PRPSAP2: variants seen among roughly 807,000 people sequenced by gnomAD.
PRPSAP2 encodes phosphoribosyl pyrophosphate synthase-associated protein 2.
PRPSAP2 carries 24 observed loss-of-function variants against 40.6 expected under a neutral mutation model. The observed-to-expected ratio is 0.59, with a 90% CI of 0.43 to 0.83. The LOEUF is 0.83. PRPSAP2 is among the 40% of genes least tolerant of loss of function. The pLI is 0.00. For synonymous variants in PRPSAP2, 149 were observed against 164.7 expected (o/e 0.90, Z 0.73); for missense variants, 292 against 465.6 (o/e 0.63, Z 3.43).
chr17:18,889,945 G>GAGGTAGGTGGGAATCT, intron 8 of PRPSAP2, 68 bp downstream of exon 8: 1 of 1,407,994 alleles, frequency 7.1e-7, no homozygotes, highest in Non-Finnish European at 9.8e-7. Context: ...TGAGTTCCAG[G>GAGGTAGGTGGGAATCT]CATTCTAATT....
intron 8 of PRPSAP2, among the ~76,000 whole-genome samples, chr17:18,892,664 C>G (rs1399974566): frequency 1.4e-5 from 2 of 146,326 alleles, no homozygotes; most frequent in Non-Finnish European, 3.0e-5. Context: ...TGGGCTCAAT[C>G]AATCCTTCTG....
At chr17:18,924,059 T>G in intron 10 of PRPSAP2, 75 bp downstream of exon 10, 1 of 1,403,804 alleles carries the variant, frequency 7.1e-7, no homozygotes, top group Non-Finnish European at 1.0e-6. Flanking sequence ...TGATTGATTT[T>G]ATTACAGAGA....
chr17:18,906,567 C>G (rs2040599163), intron 8 of PRPSAP2, among the ~76,000 whole-genome samples: 1 of 151,634 alleles, frequency 6.6e-6, no homozygotes, highest in Admixed American at 6.6e-5. Flanking sequence ...GTTGCCCAGG[C>G]TGGTCTCAAA....
At chr17:18,900,045 C>G (rs1418383519) in intron 8 of PRPSAP2, among the ~76,000 whole-genome samples, 3 of 152,108 alleles carry the variant, frequency 2.0e-5, no homozygotes, top group African/African-American at 7.2e-5. Flanking sequence ...TGCCACCACG[C>G]CCGGCTAATT....
chr17:18,890,434 T>C (rs1156361756), intron 8 of PRPSAP2, among the ~76,000 whole-genome samples: 1 of 152,008 alleles, frequency 6.6e-6, no homozygotes, highest in African/African-American at 2.4e-5. Flanking sequence ...CCTCCCAAGG[T>C]GCTGGGATTA....
chr17:18,925,582 T>C (rs1190952334), intron 10 of PRPSAP2, among the ~76,000 whole-genome samples: 1 of 152,230 alleles, frequency 6.6e-6, no homozygotes, highest in Non-Finnish European at 1.5e-5. Flanking sequence ...CACAACTGAT[T>C]GAGGCAATGG....
At position 18,889,860 on chromosome 17, in the gene PRPSAP2, T is replaced by C; in HGVS notation, c.567T>C (p.Ser189=). 1 of 1,611,436 alleles carries C rather than the reference T, an allele frequency of 6.2e-7. No homozygotes were observed. Among genetic ancestry groups the C allele is most frequent in the Non-Finnish European group, 8.5e-7 (1 of 1,178,738 alleles). ...GGAATGCAGTAATCGTGGCCAAGTC[T>C]CCAGCCTCGGCGAAGAGGTAGGTGG... The part of the protein sequence containing the change: ...DYRNAVIVAK[S]PASAKRAQSF... Residue 189 remains serine, a synonymous_variant, in exon 8 of 12, where the codon TCT becomes TCC. Transcript: ENST00000268835.
chr17:18,906,554 TGTG>T (rs2040597595), intron 8 of PRPSAP2, among the ~76,000 whole-genome samples: 1 of 151,286 alleles, frequency 6.6e-6, no homozygotes, highest in South Asian at 2.1e-4. Context: ...GAGGTCTCCC[TGTG>T]TTGCCCAGGC....
In PRPSAP2 at chr17:18,862,522, G is replaced by A. The variant is rs562785205; in HGVS notation, c.-128-2947G>A. 3.9e-5 allele frequency among the ~76,000 whole-genome samples: 6 copies of A among 152,246 alleles called. No individual in the cohort carries two copies. The South Asian group carries it at 1.2e-3, about 32-fold the overall frequency. On this transcript the variant is annotated intron_variant, in intron 1 of 11. Transcript: ENST00000268835. ...TAGATAATCAAGATGTTAGAAGTCAGTTCATAGGTAGCATGTCCGATATGC... is the reference window on the plus strand; with the variant it reads ...TAGATAATCAAGATGTTAGAAGTCAATTCATAGGTAGCATGTCCGATATGC...
intron 1 of PRPSAP2, among the ~76,000 whole-genome samples, chr17:18,862,100 C>G (rs1017589817): frequency 2.0e-5 from 3 of 152,186 alleles, no homozygotes; most frequent in Non-Finnish European, 4.4e-5. Flanking sequence ...GTTGGCCAGA[C>G]TGGTCTTGAA....
intron 4 of PRPSAP2, among the ~76,000 whole-genome samples, chr17:18,871,202 T>A (rs1014086966): frequency 6.6e-6 from 1 of 151,882 alleles, no homozygotes; most frequent in Non-Finnish European, 1.5e-5. Context: ...GTATTTTTAG[T>A]AGAGACGAGG....
At chr17:18,869,520 A>T (rs1485269011) in intron 4 of PRPSAP2, among the ~76,000 whole-genome samples, 92 of 136,582 alleles carry the variant, frequency 6.7e-4, no homozygotes, top group South Asian at 1.2e-3. Context: ...TTTTTTTTTT[A>T]AATATGGAGT....
intron 7 of PRPSAP2, among the ~76,000 whole-genome samples, chr17:18,889,187 A>T (rs1380280322): frequency 6.6e-6 from 1 of 152,242 alleles, no homozygotes; most frequent in Non-Finnish European, 1.5e-5. Flanking sequence ...GTACTAAATT[A>T]TTCAAATTAA....
intron 4 of PRPSAP2, among the ~76,000 whole-genome samples, chr17:18,869,588 C>T (rs1209269475): frequency 1.5e-4 from 22 of 151,264 alleles, no homozygotes; most frequent in African/African-American, 2.9e-4. Context: ...CTGCCACCTC[C>T]GCCTCCCAGG....
chr17:18,861,486 A>T (rs577933098), intron 1 of PRPSAP2: 1 of 152,490 alleles, frequency 6.6e-6, no homozygotes, highest in African/African-American at 2.4e-5. Context: ...AAAGAAAAAA[A>T]AGAAAAATAA....
chr17:18,923,081 T>G (rs1451597414), intron 9 of PRPSAP2, among the ~76,000 whole-genome samples: 1 of 123,192 alleles, frequency 8.1e-6, no homozygotes, highest in Admixed American at 8.3e-5. Flanking sequence ...TTTTATCTAT[T>G]TATTTATTTT....
At chr17:18,870,881 C>A (rs192176169) in intron 4 of PRPSAP2, among the ~76,000 whole-genome samples, 3 of 150,784 alleles carry the variant, frequency 2.0e-5, no homozygotes, top group African/African-American at 7.3e-5. Flanking sequence ...TTTTCTGTGG[C>A]CTCAAGTGAT....
At chr17:18,927,840 C>T (rs1178201397) in intron 10 of PRPSAP2, among the ~76,000 whole-genome samples, 2 of 152,026 alleles carry the variant, frequency 1.3e-5, no homozygotes, top group East Asian at 3.9e-4. Flanking sequence ...AGTGCAGTGG[C>T]TTGATCACAG....
chr17:18,872,521 G>T, intron 4 of PRPSAP2, 62 bp from the exon 5 acceptor site: 4 of 1,255,978 alleles, frequency 3.2e-6, no homozygotes, highest in African/African-American at 3.0e-5. Flanking sequence ...AGATTTTTTT[G>T]TGTATTTTGA....
Sources: allele counts gnomAD v4.1 joint callset (sites outside exome capture counted in the v4.1 genomes callset), GRCh38; gene constraint gnomAD v4.1.1; transcripts MANE v1.5; gene names NCBI Gene and HGNC (gene_info 2026-07-23, HGNC 2026-07-21).